The following INPP5A variants were observed in gnomAD, a reference collection of about 807,000 sequenced individuals.
INPP5A encodes inositol polyphosphate-5-phosphatase A.
In INPP5A, 14 loss-of-function variants were observed where a neutral mutation model predicts 65.2. The observed-to-expected ratio is 0.21, with a 90% CI of 0.14 to 0.34. The LOEUF is 0.34. INPP5A is among the 10% of genes least tolerant of loss of function. The pLI, the probability that INPP5A is intolerant of heterozygous loss-of-function variation, is 1.00. For missense variants in INPP5A, 431 were observed against 545.6 expected (o/e 0.79, Z 2.09); for synonymous variants, 207 against 208.3 (o/e 0.99, Z 0.05).
In INPP5A at chr10:132,616,988, G is replaced by C. The variant is rs1174374206; in HGVS notation, c.117+9032G>C. ...CCTTCGAAGCAGCCTGGGTCTGTCT[G>C]CTCCCTGGGGTCAGATGCAGGCCGC... On this transcript the variant is annotated intron_variant, in intron 2 of 15. Transcript: ENST00000368594. This position sits in a 1 kb window ranked among gnomAD's most constrained non-coding sequence, Gnocchi z 4.9. Among the ~76,000 whole-genome samples the C allele has an allele frequency of 6.6e-6, 1 of 152,100 alleles. No individual in the cohort carries two copies. Among genetic ancestry groups the C allele is most frequent in the Non-Finnish European group, 1.5e-5 (1 of 68,000 alleles).
chr10:132,726,952 G>A (rs1444081399), intron 9 of INPP5A, 47 bp downstream of exon 9: 1 of 1,388,486 alleles, frequency 7.2e-7, no homozygotes. Flanking sequence ...CTTGCTCTGT[G>A]TTGAGGAAAA....
Position 132,676,108 on chromosome 10 carries a change from T to G in INPP5A, c.307-14284T>G, listed in dbSNP as rs2072961765. Among the ~76,000 whole-genome samples the G allele has an allele frequency of 6.6e-6, 1 of 152,250 alleles. No homozygotes were observed. Among genetic ancestry groups the G allele is most frequent in the Non-Finnish European group, 1.5e-5 (1 of 68,042 alleles). ...AGAAAAATATAACAAATTTCATAAT[T>G]AAAACTAGTTATTTTAAGACTGATA... On this transcript the variant is annotated intron_variant, in intron 4 of 15. Transcript: ENST00000368594. The surrounding 1 kb of genome is among the most constrained non-coding windows in gnomAD (Gnocchi z 4.0).
chr10:132,735,398 G>A (rs1846158551), intron 9 of INPP5A, among the ~76,000 whole-genome samples: 1 of 152,262 alleles, frequency 6.6e-6, no homozygotes, highest in African/African-American at 2.4e-5. Flanking sequence ...GTTTATCACA[G>A]TGCAGAGCGT....
chr10:132,669,696 T>C (rs1428780553), intron 4 of INPP5A, among the ~76,000 whole-genome samples: 1 of 152,188 alleles, frequency 6.6e-6, no homozygotes, highest in Non-Finnish European at 1.5e-5. Flanking sequence ...GCGTGCCCCA[T>C]GGGCAGAGAG....
chr10:132,607,357 G>A (rs546421581), intron 1 of INPP5A, among the ~76,000 whole-genome samples: 1 of 152,336 alleles, frequency 6.6e-6, no homozygotes, highest in East Asian at 1.9e-4. Flanking sequence ...TCTGTTGATG[G>A]CTCTAGCAAG....
intron 4 of INPP5A, among the ~76,000 whole-genome samples, chr10:132,688,616 A>C (rs1224019071): frequency 6.7e-6 from 1 of 149,762 alleles, no homozygotes; most frequent in African/African-American, 2.5e-5. Flanking sequence ...CAAGTGTGTG[A>C]GTGTGAGCAA....
Position 132,709,660 on chromosome 10 carries a change from G to T in INPP5A, c.528-677G>T, listed in dbSNP as rs560801138. ...ACGCACTCATTCCTGGCGCCTCCTG[G>T]TAGGGAGACGGCCAGGTCTTGGAGC... On this transcript the variant is annotated intron_variant, in intron 7 of 15. Coordinates refer to ENST00000368594, the MANE Select transcript of INPP5A (RefSeq NM_005539.5). Among the ~76,000 whole-genome samples the T allele has an allele frequency of 1.4e-4, 21 of 152,346 alleles. 1 individual carries two copies. The highest frequency in any genetic ancestry group is 6.2e-4 in the South Asian group (3 of 4,830).
rs148577428 is a variant in INPP5A at position 132,674,487 on chromosome 10, C to T, written c.307-15905C>T. ...GCAGAACCATCTGTGAACCAGGCCC[C>T]GGTCTTCTCTTCCTCTGTCAGCTGA... On this transcript the variant is annotated intron_variant, in intron 4 of 15. Transcript: ENST00000368594. The surrounding 1 kb of genome is among the most constrained non-coding windows in gnomAD (Gnocchi z 4.4). Among the ~76,000 whole-genome samples, 880 of 152,328 alleles carry T rather than the reference C, an allele frequency of 5.8e-3. 6 individuals carry two copies. Among genetic ancestry groups the T allele is most frequent in the African/African-American group, 0.018 (754 of 41,570 alleles).
intron 2 of INPP5A, among the ~76,000 whole-genome samples, chr10:132,634,723 C>T (rs1008906683): frequency 3.3e-5 from 5 of 152,232 alleles, no homozygotes; most frequent in Non-Finnish European, 5.9e-5. Context: ...AGAGTTGTCT[C>T]GGTCATCACG....
rs138009613 is a variant in INPP5A, at chr10:132,583,333, A to G, written c.76-24582A>G. ...GGAGCCGTGGGTGACAGTTGTAAAC[A>G]GTTGGCATTTGCAGATAGAGCCATG... On this transcript the variant is annotated intron_variant, in intron 1 of 15. Coordinates refer to ENST00000368594, the MANE Select transcript of INPP5A (RefSeq NM_005539.5). 4.4e-3 allele frequency among the ~76,000 whole-genome samples: 668 copies of G among 152,296 alleles called. 1 individual carries two copies. The highest frequency in any genetic ancestry group is 0.01 in the Middle Eastern group (3 of 294).
rs151166418 is a variant in INPP5A, at chr10:132,614,911, G to A, written c.117+6955G>A. On this transcript the variant is annotated intron_variant, in intron 2 of 15. Coordinates refer to ENST00000368594, the MANE Select transcript of INPP5A (RefSeq NM_005539.5). Reference sequence around the variant, plus strand: ...CCTCCTCGTGGAATGGGCTGGCCTCGCTCTTATCCTCCCAGCTTCAGGTGC... The same window carrying A: ...CCTCCTCGTGGAATGGGCTGGCCTCACTCTTATCCTCCCAGCTTCAGGTGC... Among the ~76,000 whole-genome samples, 708 of 152,362 alleles carry A rather than the reference G, an allele frequency of 4.6e-3. 5 individuals carry two copies. Among genetic ancestry groups the A allele is most frequent in the African/African-American group, 0.016 (686 of 41,588 alleles).
intron 12 of INPP5A, among the ~76,000 whole-genome samples, chr10:132,771,243 C>T (rs1019809402): frequency 3.3e-4 from 51 of 152,322 alleles, no homozygotes; most frequent in African/African-American, 1.2e-3. Context: ...CATCTCATCC[C>T]ACCCAGCCCA....
At chr10:132,755,601 CAT>C (rs869283960) in intron 11 of INPP5A, among the ~76,000 whole-genome samples, 4 of 147,972 alleles carry the variant, frequency 2.7e-5, no homozygotes, top group East Asian at 4.1e-4. Context: ...CAGGCATATG[CAT>C]ATGAGTGAGT....
chr10:132,619,080 C>G (rs1244549771), intron 2 of INPP5A, among the ~76,000 whole-genome samples: 1 of 152,166 alleles, frequency 6.6e-6, no homozygotes. Context: ...CAATAGTCCC[C>G]CCAAAGTCTT....
intron 9 of INPP5A, among the ~76,000 whole-genome samples, chr10:132,732,139 A>G (rs1239010690): frequency 1.3e-5 from 2 of 152,256 alleles, no homozygotes; most frequent in Non-Finnish European, 2.9e-5. Flanking sequence ...GCAGCTGCCC[A>G]TGCAGTTACC....
intron 9 of INPP5A, among the ~76,000 whole-genome samples, chr10:132,730,297 C>G (rs1274035013): frequency 6.6e-6 from 1 of 152,252 alleles, no homozygotes; most frequent in African/African-American, 2.4e-5. Flanking sequence ...CATCTGCCTC[C>G]GCCCCCATCA....
At chr10:132,598,606 T>C (rs1209583049) in intron 1 of INPP5A, among the ~76,000 whole-genome samples, 4 of 152,248 alleles carry the variant, frequency 2.6e-5, no homozygotes, top group African/African-American at 9.6e-5. Context: ...AGACCACAAT[T>C]GTATCCATTT....
In INPP5A at chr10:132,762,826, A is replaced by C. The variant is rs144061228; in HGVS notation, c.904-2947A>C. Reference sequence around the variant, plus strand: ...GGCAATGTGGCAAGACCCCGTCTCTACAAAAAATAAAGACTTAGCAGGAGT... The same window carrying C: ...GGCAATGTGGCAAGACCCCGTCTCTCCAAAAAATAAAGACTTAGCAGGAGT... On this transcript the variant is annotated intron_variant, in intron 11 of 15. Transcript: ENST00000368594. This position sits in a 1 kb window ranked among gnomAD's most constrained non-coding sequence, Gnocchi z 4.6. Among the ~76,000 whole-genome samples the C allele has an allele frequency of 0.018, 2,690 of 152,224 alleles. 41 individuals carry two copies. Among genetic ancestry groups the C allele is most frequent in the South Asian group, 0.038 (184 of 4,814 alleles).
At chr10:132,723,527 ATGTGGGGATTGGCCG>A (rs1564984367) in intron 8 of INPP5A, among the ~76,000 whole-genome samples, 52 of 77,926 alleles carry the variant, frequency 6.7e-4, no homozygotes, top group South Asian at 1.3e-3. Flanking sequence ...GGGATTGGCC[ATGTGGGGATTGGCCG>A]TGTGGGGATT....
Sources: allele counts gnomAD v4.1 joint callset (sites outside exome capture counted in the v4.1 genomes callset), GRCh38; gene constraint gnomAD v4.1.1; non-coding constraint Gnocchi (gnomAD v3.1); transcripts MANE v1.5; gene names NCBI Gene and HGNC (gene_info 2026-07-23, HGNC 2026-07-21).